ZMYND11: variants seen among roughly 807,000 people sequenced by gnomAD.
ZMYND11 encodes the protein zinc finger MYND domain-containing protein 11.
A neutral mutation model predicts 84.9 loss-of-function variants in ZMYND11; 9 were observed. That is an observed-to-expected ratio of 0.11 (90% confidence interval 0.06 to 0.18). The LOEUF (loss-of-function observed/expected upper bound fraction) is 0.18, where lower values mean the gene tolerates loss of function less well. Ranked by LOEUF, ZMYND11 falls within the 10% of genes least tolerant of loss-of-function variation. The pLI, the probability that ZMYND11 is intolerant of heterozygous loss-of-function variation, is 1.00. For synonymous variants in ZMYND11, 250 were observed against 244.1 expected (o/e 1.02, Z -0.23); for missense variants, 409 against 761.0 (o/e 0.54, Z 5.44).
intron 1 of ZMYND11, among the ~76,000 whole-genome samples, chr10:157,162 A>G (rs1450948085): frequency 6.6e-6 from 1 of 152,158 alleles, no homozygotes; most frequent in African/African-American, 2.4e-5. Flanking sequence ...GGTTTATATA[A>G]TTCTCTCTAG....
chr10:160,506 G>A (rs1554761423), intron 1 of ZMYND11, among the ~76,000 whole-genome samples: 1 of 152,068 alleles, frequency 6.6e-6, no homozygotes, highest in African/African-American at 2.4e-5. Context: ...TTGCCACATC[G>A]ATTGGCTTTT....
Position 223,730 on chromosome 10 carries a change from G to A in ZMYND11, c.438+2374G>A, listed in dbSNP as rs6560796. Among the ~76,000 whole-genome samples the A allele has an allele frequency of 3.8e-3, 578 of 152,212 alleles. 2 individuals carry two copies. Among genetic ancestry groups the A allele is most frequent in the African/African-American group, 0.013 (549 of 41,532 alleles). ...TAACAATTCTTTTCCTTTGAGAAGGGGTAATAATAATCTTGAAATTGTAAC... is the reference window on the plus strand; with the variant it reads ...TAACAATTCTTTTCCTTTGAGAAGGAGTAATAATAATCTTGAAATTGTAAC... On this transcript the variant is annotated intron_variant, in intron 4 of 14. Transcript: ENST00000381604.
intron 2 of ZMYND11, among the ~76,000 whole-genome samples, chr10:195,459 C>T (rs1333708067): frequency 6.6e-6 from 1 of 152,130 alleles, no homozygotes; most frequent in African/African-American, 2.4e-5. Context: ...AATGGATAGT[C>T]ATATATTTCT....
intron 4 of ZMYND11, among the ~76,000 whole-genome samples, chr10:228,989 T>A (rs1165486528): frequency 6.6e-6 from 1 of 152,180 alleles, no homozygotes; most frequent in Non-Finnish European, 1.5e-5. Flanking sequence ...TTAGAAATAC[T>A]ACATGTTTTT....
At position 212,752 on chromosome 10, in the gene ZMYND11, C is replaced by T. The variant is rs189020290; in HGVS notation, c.276+2704C>T. Among the ~76,000 whole-genome samples the T allele has an allele frequency of 2.6e-3, 393 of 152,002 alleles. 3 individuals carry two copies. Among genetic ancestry groups the T allele is most frequent in the African/African-American group, 9.0e-3 (374 of 41,440 alleles). On this transcript the variant is annotated intron_variant, in intron 3 of 14. Transcript: ENST00000381604. Reference sequence around the variant, plus strand: ...GAATAAATATGCTTACAACAAAAAACGCCTGTATATAATATAGTAAAAGCA... The same window carrying T: ...GAATAAATATGCTTACAACAAAAAATGCCTGTATATAATATAGTAAAAGCA...
intron 2 of ZMYND11, among the ~76,000 whole-genome samples, chr10:208,124 T>C (rs1185335314): frequency 1.3e-5 from 2 of 152,170 alleles, no homozygotes; most frequent in East Asian, 3.9e-4. Context: ...ATCCCTTCCT[T>C]ACACCTTATA....
At chr10:149,627 A>G (rs1335047450) in intron 1 of ZMYND11, among the ~76,000 whole-genome samples, 4 of 152,174 alleles carry the variant, frequency 2.6e-5, no homozygotes, top group Non-Finnish European at 5.9e-5. Flanking sequence ...CACAATAGTA[A>G]ATACTTAATA....
intron 1 of ZMYND11, among the ~76,000 whole-genome samples, chr10:167,598 C>CA (rs1377010845): frequency 1.3e-5 from 2 of 152,052 alleles, no homozygotes; most frequent in African/African-American, 4.8e-5. Flanking sequence ...TTGATCCAAA[C>CA]AAACAAAAAG....
chr10:178,812 G>A (rs1364275863), intron 1 of ZMYND11, among the ~76,000 whole-genome samples: 1 of 152,104 alleles, frequency 6.6e-6, no homozygotes, highest in African/African-American at 2.4e-5. Context: ...TTAGGAGCCT[G>A]ACTGACCCAG....
intron 2 of ZMYND11, among the ~76,000 whole-genome samples, chr10:206,014 GTT>G (rs1554775920): frequency 3.9e-5 from 5 of 128,954 alleles, no homozygotes; most frequent in Admixed American, 7.5e-5. Flanking sequence ...TCCTAAGGTT[GTT>G]TTTTTTTTTT....
upstream of ZMYND11, among the ~76,000 whole-genome samples, chr10:134,170 G>A (rs762728088): frequency 6.6e-5 from 10 of 152,168 alleles, no homozygotes; most frequent in East Asian, 3.9e-4. Flanking sequence ...TAGAAGTCAG[G>A]CACAATGAGA....
intron 1 of ZMYND11, among the ~76,000 whole-genome samples, chr10:160,027 G>A (rs1158327439): frequency 2.0e-5 from 3 of 152,154 alleles, no homozygotes; most frequent in African/African-American, 7.2e-5. Flanking sequence ...TATTGAGTAA[G>A]AAGGGATATA....
intron 2 of ZMYND11, among the ~76,000 whole-genome samples, chr10:192,020 A>G (rs1157064371): frequency 6.6e-6 from 1 of 152,170 alleles, no homozygotes. Flanking sequence ...TGACTTTACT[A>G]ATTTTACTTC....
intron 4 of ZMYND11, among the ~76,000 whole-genome samples, chr10:224,788 C>G (rs534243088): frequency 6.6e-6 from 1 of 152,098 alleles, no homozygotes; most frequent in Admixed American, 6.5e-5. Context: ...ACTTATGTGA[C>G]CAGTTCCTCA....
At chr10:208,142 T>C (rs1234527243) in intron 2 of ZMYND11, among the ~76,000 whole-genome samples, 4 of 152,132 alleles carry the variant, frequency 2.6e-5, no homozygotes, top group Admixed American at 1.3e-4. Context: ...ATACAAAAAT[T>C]AATTCAAGAT....
chr10:248,280 G>A (rs1952599383), intron 12 of ZMYND11, 56 bp from the exon 13 acceptor site: 3 of 1,571,712 alleles, frequency 1.9e-6, no homozygotes, highest in African/African-American at 2.7e-5. Flanking sequence ...GGTAGTTCTT[G>A]AACTGGTGAA....
intron 2 of ZMYND11, among the ~76,000 whole-genome samples, chr10:181,181 T>C (rs1413349135): frequency 6.6e-6 from 1 of 152,242 alleles, no homozygotes; most frequent in African/African-American, 2.4e-5. Flanking sequence ...TCACATTCTT[T>C]AGATGCTATG....
At chr10:193,502 T>C (rs1376309441) in intron 2 of ZMYND11, among the ~76,000 whole-genome samples, 3 of 152,176 alleles carry the variant, frequency 2.0e-5, no homozygotes, top group East Asian at 1.9e-4. Flanking sequence ...TTCAATGATA[T>C]TTGTTGAGTG....
chr10:167,262 A>G (rs1844222172), intron 1 of ZMYND11, among the ~76,000 whole-genome samples: 1 of 152,112 alleles, frequency 6.6e-6, no homozygotes, highest in African/African-American at 2.4e-5. Flanking sequence ...ATATTTCGCT[A>G]CAGTTTTAAA....
Sources: gnomAD v4.1 joint callset for allele counts (sites outside exome capture counted in the v4.1 genomes callset) on GRCh38, gnomAD v4.1.1 for gene constraint, MANE v1.5 for transcripts, NCBI Gene and HGNC (gene_info 2026-07-23, HGNC 2026-07-21) for gene names.